The following INSL6 variants were observed in gnomAD, a reference collection of about 807,000 sequenced individuals.
INSL6 encodes insulin like 6.
INSL6 carries 16 observed loss-of-function variants against 9.4 expected under a neutral mutation model. The observed-to-expected ratio is 1.70, with a 90% CI of 1.15 to 2.59. The LOEUF (loss-of-function observed/expected upper bound fraction) is 2.59. INSL6 is among the 30% of genes most tolerant of loss of function. The probability of loss-of-function intolerance (pLI) is 0.00; values close to 1 mark genes in which losing one functional copy is unlikely to be tolerated. For synonymous variants in INSL6, 154 were observed against 96.9 expected, an observed-to-expected ratio of 1.59 and a Z score of -3.46; for missense variants, 391 against 257.3, an observed-to-expected ratio of 1.52 and a Z score of -3.56.
chr9:5,105,639 G>A, the INSL6 span, among the ~76,000 whole-genome samples: 3 of 152,176 alleles, frequency 2.0e-5, no homozygotes, highest in Non-Finnish European at 4.4e-5. Context: ...AAAGCTGGAG[G>A]CATCACACTA....
At chr9:5,094,249 A>G in the INSL6 span, 5 of 152,210 alleles carry the variant, frequency 3.3e-5, no homozygotes, top group Admixed American at 1.3e-4. Flanking sequence ...TTCACCAGAG[A>G]ACCCTTACGA....
At chr9:5,143,298 T>A (rs1039081950) in intron 2 of INSL6, among the ~76,000 whole-genome samples, 4 of 152,062 alleles carry the variant, frequency 2.6e-5, no homozygotes, top group Non-Finnish European at 5.9e-5. Flanking sequence ...TCTCGTATAA[T>A]TCAGCTGTGA....
downstream of INSL6, among the ~76,000 whole-genome samples, chr9:5,122,810 G>A (rs1013612715): frequency 4.0e-5 from 6 of 151,832 alleles, no homozygotes; most frequent in African/African-American, 1.2e-4. Context: ...TTAGGGAATT[G>A]TGGAATCCCT....
chr9:5,106,724 C>T, the INSL6 span, among the ~76,000 whole-genome samples: 3 of 152,054 alleles, frequency 2.0e-5, no homozygotes, highest in Non-Finnish European at 4.4e-5. Context: ...CAGCCATAAA[C>T]AAGGGTGAGT....
chr9:5,019,703 T>C, the INSL6 span, among the ~76,000 whole-genome samples: 1 of 152,230 alleles, frequency 6.6e-6, no homozygotes, highest in South Asian at 2.1e-4. Context: ...TAGGACTTTT[T>C]CCTGAAGATT....
intron 2 of INSL6, among the ~76,000 whole-genome samples, chr9:5,146,949 A>G (rs1824611644): frequency 6.6e-6 from 1 of 152,102 alleles, no homozygotes. Context: ...GGGCCCCAGG[A>G]AAGGCCAACA....
chr9:5,105,259 C>T, the INSL6 span, among the ~76,000 whole-genome samples: 3 of 152,138 alleles, frequency 2.0e-5, no homozygotes, highest in Non-Finnish European at 2.9e-5. Flanking sequence ...TTCCTATACA[C>T]CCATAACAGA....
At chr9:5,068,565 G>A in the INSL6 span, among the ~76,000 whole-genome samples, 1 of 152,160 alleles carries the variant, frequency 6.6e-6, no homozygotes, top group Non-Finnish European at 1.5e-5. Context: ...ATAGCATGAA[G>A]AATTATCAAG....
At chr9:5,128,850 A>G (rs1477518896) in intron 3 of INSL6, among the ~76,000 whole-genome samples, 1 of 152,042 alleles carries the variant, frequency 6.6e-6, no homozygotes, top group East Asian at 1.9e-4. Context: ...TTAATGCCAA[A>G]ATATTTTTCA....
At chr9:5,135,919 T>G (rs1824379938) in intron 2 of INSL6, among the ~76,000 whole-genome samples, 2 of 151,480 alleles carry the variant, frequency 1.3e-5, no homozygotes, top group South Asian at 4.2e-4. Context: ...TCAAATAGAC[T>G]TAATAAAAAA....
chr9:5,010,530 A>G, the INSL6 span, among the ~76,000 whole-genome samples: 3 of 152,260 alleles, frequency 2.0e-5, 1 homozygote, highest in South Asian at 6.2e-4. Flanking sequence ...CATGTTGGCC[A>G]GGTTGGTCTC....
chr9:5,022,413 A>C, the INSL6 span, among the ~76,000 whole-genome samples: 2 of 152,186 alleles, frequency 1.3e-5, no homozygotes, highest in Non-Finnish European at 2.9e-5. Context: ...TAGGTATCAA[A>C]ACAAATTGAT....
At chr9:5,128,833 G>T (rs1228321582) in intron 3 of INSL6, among the ~76,000 whole-genome samples, 1 of 151,876 alleles carries the variant, frequency 6.6e-6, no homozygotes, top group Non-Finnish European at 1.5e-5. Flanking sequence ...AGTAATTATT[G>T]TACCAGTTAA....
In INSL6 at chr9:5,175,079, A is replaced by G. The variant is rs562550714; in HGVS notation, c.289+10235T>C. Among the ~76,000 whole-genome samples the G allele has an allele frequency of 2.6e-4, 39 of 152,114 alleles. No homozygotes were observed. The South Asian group carries it at 8.1e-3, about 32-fold the overall frequency. ...CTCAGTCTCCCGAGTAGCTGGGACTACAGGTGCCCACCACCACGCCCAGCA... is the reference window on the plus strand; with the variant it reads ...CTCAGTCTCCCGAGTAGCTGGGACTGCAGGTGCCCACCACCACGCCCAGCA... On this transcript the variant is annotated intron_variant, in intron 1 of 1. Transcript: ENST00000381641.
At chr9:5,078,931 A>C in the INSL6 span, among the ~76,000 whole-genome samples, 1 of 152,224 alleles carries the variant, frequency 6.6e-6, no homozygotes, top group Non-Finnish European at 1.5e-5. Context: ...CAGTGGGTTA[A>C]AAATACAAAT....
At chr9:5,169,187 A>C (rs1216423944) in intron 1 of INSL6, among the ~76,000 whole-genome samples, 1 of 152,204 alleles carries the variant, frequency 6.6e-6, no homozygotes, top group Non-Finnish European at 1.5e-5. Flanking sequence ...TGGCCTCCCA[A>C]AGTGCTGGGA....
chr9:5,000,154 G>GT, the INSL6 span, among the ~76,000 whole-genome samples: 47 of 149,300 alleles, frequency 3.1e-4, no homozygotes, highest in East Asian at 4.1e-3. Flanking sequence ...TATTTTTTCT[G>GT]TTTTTTTTTA....
At chr9:5,122,982 A>C (rs2130852964), downstream of INSL6, 6 of 1,476,800 alleles carry the variant, frequency 4.1e-6, no homozygotes, top group Non-Finnish European at 5.6e-6. Context: ...CTGTCTTTTA[A>C]ATGTTATTCA....
intron 2 of INSL6, among the ~76,000 whole-genome samples, chr9:5,144,084 T>C (rs1314473276): frequency 6.6e-6 from 1 of 152,222 alleles, no homozygotes; most frequent in African/African-American, 2.4e-5. Context: ...GTTATTTTAG[T>C]TGTGATGTTA....
Sources: allele counts gnomAD v4.1 joint callset (sites outside exome capture counted in the v4.1 genomes callset), GRCh38; gene constraint gnomAD v4.1.1; transcripts MANE v1.5; gene names NCBI Gene and HGNC (gene_info 2026-07-23, HGNC 2026-07-21).